Variants in ANTXR2 observed in about 807,000 individuals in gnomAD.
ANTXR2 encodes the protein ANTXR cell adhesion molecule 2, also known as anthrax toxin receptor 2.
In ANTXR2, 44 loss-of-function variants were observed where a neutral mutation model predicts 73.7. The ratio of observed to expected loss-of-function variants is 0.60; its 90% CI spans 0.47 to 0.77. ANTXR2 has a LOEUF of 0.77. ANTXR2 is among the 30% of genes least tolerant of loss of function. ANTXR2 has a pLI of 0.00. For synonymous variants in ANTXR2, 217 were observed against 205.9 expected (o/e 1.05, Z -0.46); for missense variants, 604 against 592.5 (o/e 1.02, Z -0.20).
intron 6 of ANTXR2, among the ~76,000 whole-genome samples, chr4:80,054,703 A>T (rs62300368): frequency 0.14 from 21,544 of 151,622 alleles, 2,833 homozygotes; most frequent in East Asian, 0.71. Flanking sequence ...AACATTTTCA[A>T]ATATATAAAC....
chr4:80,057,813 C>A (rs1010853408), intron 3 of ANTXR2, among the ~76,000 whole-genome samples: 2 of 151,920 alleles, frequency 1.3e-5, no homozygotes, highest in African/African-American at 4.8e-5. Flanking sequence ...ATTACCATGT[C>A]TTTTATTTAT....
chr4:79,996,028 T>A (rs919300937), intron 12 of ANTXR2, among the ~76,000 whole-genome samples: 1 of 151,994 alleles, frequency 6.6e-6, no homozygotes, highest in African/African-American at 2.4e-5. Context: ...TTTATTTTCA[T>A]AATAACTCTG....
At chr4:79,977,836 T>A in intron 15 of ANTXR2, 135 bp from the exon 16 acceptor site, 1 of 1,250,710 alleles carries the variant, frequency 8.0e-7, no homozygotes, top group African/African-American at 1.5e-5. Context: ...TAATAAGTAA[T>A]AAAAACCTAG....
chr4:80,010,032 T>C (rs1731495448), intron 11 of ANTXR2, among the ~76,000 whole-genome samples: 1 of 103,356 alleles, frequency 9.7e-6, no homozygotes, highest in South Asian at 4.1e-4. Context: ...TCAGTAATAA[T>C]GTTTTGTTTT....
intron 16 of ANTXR2, among the ~76,000 whole-genome samples, chr4:79,915,835 T>C (rs1340792829): frequency 3.7e-5 from 2 of 53,494 alleles, no homozygotes; most frequent in South Asian, 1.1e-3. Flanking sequence ...TCTCCCTCTC[T>C]CTCTCTCTCT....
intron 16 of ANTXR2, among the ~76,000 whole-genome samples, chr4:79,916,130 C>T (rs553155701): frequency 6.6e-6 from 1 of 151,972 alleles, no homozygotes; most frequent in South Asian, 2.1e-4. Context: ...ATTTCAGTGA[C>T]TCTATACATA....
chr4:79,989,061 A>G (rs1045361095), intron 12 of ANTXR2, among the ~76,000 whole-genome samples: 16 of 152,092 alleles, frequency 1.1e-4, no homozygotes, highest in Non-Finnish European at 2.2e-4. Flanking sequence ...TCTCAAATTA[A>G]CAAGCTAACA....
chr4:79,974,897 T>C (rs541852403), intron 16 of ANTXR2, among the ~76,000 whole-genome samples: 54 of 152,300 alleles, frequency 3.5e-4, no homozygotes, highest in African/African-American at 1.3e-3. Flanking sequence ...TATTATAGCA[T>C]TATAATTTAA....
intron 7 of ANTXR2, among the ~76,000 whole-genome samples, chr4:80,036,324 T>C (rs1408371149): frequency 6.6e-6 from 1 of 152,146 alleles, no homozygotes; most frequent in Non-Finnish European, 1.5e-5. Flanking sequence ...TGGGTATGAA[T>C]AGATAACTAA....
chr4:79,913,789 C>T lies in ANTXR2; in HGVS notation c.1429-6322G>A, dbSNP rs1414805837. Among the ~76,000 whole-genome samples, 3 of 152,208 alleles carry T rather than the reference C, an allele frequency of 2.0e-5. No individual in the cohort carries two copies. The East Asian group carries it at 5.8e-4, about 29-fold the overall frequency. ...CTTTTCTGCAAGGTGACTCAGAGGTCACTGTGGCTGGGGTAGTGCATGAGA... is the reference window on the plus strand; with the variant it reads ...CTTTTCTGCAAGGTGACTCAGAGGTTACTGTGGCTGGGGTAGTGCATGAGA... On this transcript the variant is annotated intron_variant, in intron 16 of 16. Coordinates refer to ENST00000403729, the MANE Select transcript of ANTXR2 (RefSeq NM_058172.6).
chr4:79,992,715 A>G (rs1304197095), intron 12 of ANTXR2, among the ~76,000 whole-genome samples: 2 of 152,098 alleles, frequency 1.3e-5, no homozygotes, highest in African/African-American at 4.8e-5. Flanking sequence ...CATGTCCAAA[A>G]CAATTAATGA....
intron 11 of ANTXR2, among the ~76,000 whole-genome samples, chr4:80,016,279 C>T (rs986102871): frequency 2.6e-5 from 4 of 152,072 alleles, no homozygotes; most frequent in African/African-American, 7.2e-5. Flanking sequence ...ATTCCTTCCA[C>T]TTATTTCTAC....
At chr4:79,981,473 C>T (rs936859547) in intron 14 of ANTXR2, among the ~76,000 whole-genome samples, 10 of 152,056 alleles carry the variant, frequency 6.6e-5, no homozygotes, top group South Asian at 2.1e-4. Flanking sequence ...TTATGTTTGA[C>T]GCACACCTTA....
intron 14 of ANTXR2, among the ~76,000 whole-genome samples, chr4:79,981,844 C>A (rs928377390): frequency 6.6e-6 from 1 of 152,132 alleles, no homozygotes; most frequent in Non-Finnish European, 1.5e-5. Flanking sequence ...AGATTTATTA[C>A]AAGTTGGCTG....
At chr4:79,937,699 T>C (rs556646466) in intron 16 of ANTXR2, among the ~76,000 whole-genome samples, 1 of 152,042 alleles carries the variant, frequency 6.6e-6, no homozygotes, top group South Asian at 2.1e-4. Flanking sequence ...TGTGATAGTG[T>C]TTTTAAAACC....
chr4:80,014,691 C>G (rs2110063921), intron 11 of ANTXR2, among the ~76,000 whole-genome samples: 1 of 152,316 alleles, frequency 6.6e-6, no homozygotes, highest in East Asian at 1.9e-4. Flanking sequence ...GACTGTCTTT[C>G]TCAAGGCCCT....
intron 11 of ANTXR2, among the ~76,000 whole-genome samples, chr4:80,010,195 C>A (rs1019013094): frequency 6.6e-6 from 1 of 151,992 alleles, no homozygotes. Context: ...TCTTTCTTTA[C>A]AAAATTCTAA....
At chr4:79,999,001 T>C (rs1252818205) in intron 12 of ANTXR2, among the ~76,000 whole-genome samples, 2 of 152,048 alleles carry the variant, frequency 1.3e-5, no homozygotes, top group African/African-American at 4.8e-5. Flanking sequence ...AACATTTAGA[T>C]TACATCACAT....
intron 9 of ANTXR2, among the ~76,000 whole-genome samples, chr4:80,032,322 C>T (rs4355335): frequency 0.6 from 90,288 of 151,622 alleles, 28,473 homozygotes; most frequent in East Asian, 0.92. Context: ...ACATGAAATA[C>T]GTTTATTTTA....
Sources: allele counts gnomAD v4.1 joint callset (sites outside exome capture counted in the v4.1 genomes callset), GRCh38; gene constraint gnomAD v4.1.1; transcripts MANE v1.5; gene names NCBI Gene and HGNC (gene_info 2026-07-23, HGNC 2026-07-21).